Variants in TAF8 observed in about 807,000 individuals in gnomAD.
TAF8 encodes the protein TATA-box binding protein associated factor 8, also known as transcription initiation factor TFIID subunit 8.
A neutral mutation model predicts 36.5 loss-of-function variants in TAF8; 47 were observed. That is an observed-to-expected ratio of 1.29 (90% CI 1.02 to 1.64). The LOEUF is 1.64. Ranked by LOEUF, TAF8 falls within the 40% of genes most tolerant of loss-of-function variation. The probability of loss-of-function intolerance (pLI) is 0.00; values close to 1 mark genes in which losing one functional copy is unlikely to be tolerated. For missense variants in TAF8, 420 were observed against 407.6 expected (o/e 1.03, Z -0.26); for synonymous variants, 175 against 159.5 (o/e 1.10, Z -0.73).
At chr6:42,084,891 A>G (rs972591109), downstream of TAF8, among the ~76,000 whole-genome samples, 3 of 152,220 alleles carry the variant, frequency 2.0e-5, no homozygotes, top group Non-Finnish European at 2.9e-5. Context: ...TCTCCTAACC[A>G]TGTGGCTACC....
At chr6:42,057,638 G>A in intron 5 of TAF8, 125 bp downstream of exon 5, 5 of 1,347,982 alleles carry the variant, frequency 3.7e-6, no homozygotes, top group Non-Finnish European at 5.1e-6. Flanking sequence ...CTCAGAATGT[G>A]GCCGGGCACA....
chr6:42,071,729 T>C (rs1342312731), intron 7 of TAF8, among the ~76,000 whole-genome samples: 1 of 152,154 alleles, frequency 6.6e-6, no homozygotes, highest in Admixed American at 6.5e-5. Context: ...TGTACGCTTC[T>C]GTTAATTTGG....
intron 5 of TAF8, among the ~76,000 whole-genome samples, chr6:42,062,373 G>A (rs1315727140): frequency 6.6e-6 from 1 of 151,928 alleles, no homozygotes; most frequent in East Asian, 1.9e-4. Flanking sequence ...TGATTTTAAT[G>A]TTTTAGCCTA....
chr6:42,050,638 A>G, intron 1 of TAF8, 52 bp downstream of exon 1: 2 of 1,518,014 alleles, frequency 1.3e-6, no homozygotes, highest in Non-Finnish European at 1.8e-6. Flanking sequence ...GTATCCTGCA[A>G]CTTTCCCCTC....
chr6:42,080,236 T>A lies in TAF8; in HGVS notation c.*2691T>A. ...GAGGTGTTGTCCCAGTCAGTGTTTC[T>A]GCAGCTTCCATTTGTTGTTGTTATC... On this transcript the variant is annotated 3_prime_UTR_variant, in exon 9 of 9. Coordinates refer to ENST00000372977, the MANE Select transcript of TAF8 (RefSeq NM_138572.3). 1 of 985,572 alleles carries A rather than the reference T, an allele frequency of 1.0e-6. No individual in the cohort carries two copies. The highest frequency in any genetic ancestry group is 1.2e-6 in the Non-Finnish European group (1 of 830,042). 61.1% of individuals were successfully genotyped at this position (985,572 alleles called of 1,614,324 possible). A position where few individuals can be genotyped will look rare whatever the true frequency, so the allele number is the denominator to read the frequency against.
Position 42,079,312 on chromosome 6 carries a change from C to T in TAF8, c.*1767C>T. The T allele has an allele frequency of 1.0e-6, 1 of 985,408 alleles. No individual in the cohort carries two copies. The highest frequency in any genetic ancestry group is 1.2e-6 in the Non-Finnish European group (1 of 829,914). The allele number at this position is 985,408 out of a possible 1,614,324, so 61.0% of individuals were successfully genotyped here. On this transcript the variant is annotated 3_prime_UTR_variant, in exon 9 of 9. Transcript: ENST00000372977. ...AGAAGCAGGTCTGAGTCTGTCCAAC[C>T]AATTTGTATCCTGTGGGGAGAACAA...
intron 7 of TAF8, among the ~76,000 whole-genome samples, chr6:42,069,371 C>T (rs1765481218): frequency 6.6e-6 from 1 of 152,036 alleles, no homozygotes; most frequent in Non-Finnish European, 1.5e-5. Flanking sequence ...AGGATGCTGT[C>T]ACAGTAAACT....
chr6:42,076,276 C>A (rs1345222995), intron 7 of TAF8, among the ~76,000 whole-genome samples: 1 of 151,758 alleles, frequency 6.6e-6, no homozygotes, highest in African/African-American at 2.4e-5. Flanking sequence ...CTGGTAAAAC[C>A]CCGTCTCTAC....
chr6:42,077,757 ATT>A lies in TAF8; in HGVS notation c.*222_*223del. On this transcript the variant is annotated 3_prime_UTR_variant, in exon 9 of 9. Transcript: ENST00000372977. Reference sequence around the variant, plus strand: ...GGAAGATATGAACAGAATAATGAGAATTTTTTTTTTTATTTTGAGATGGAGTC... The same window carrying A: ...GGAAGATATGAACAGAATAATGAGAATTTTTTTTTATTTTGAGATGGAGTC... 8 of 1,174,642 alleles carry A rather than the reference ATT, an allele frequency of 6.8e-6. No individual in the cohort carries two copies. Among genetic ancestry groups the A allele is most frequent in the East Asian group, 6.2e-5 (2 of 32,238 alleles). 72.8% of individuals were successfully genotyped at this position (1,174,642 alleles called of 1,614,324 possible). A position where few individuals can be genotyped will look rare whatever the true frequency, so the allele number is the denominator to read the frequency against.
chr6:42,053,429 G>A (rs1480764292), intron 2 of TAF8, among the ~76,000 whole-genome samples: 1 of 151,970 alleles, frequency 6.6e-6, no homozygotes, highest in East Asian at 1.9e-4. Flanking sequence ...GCTGGATGTG[G>A]TGGCGGGCGC....
chr6:42,071,438 G>A, intron 7 of TAF8: 1 of 172,412 alleles, frequency 5.8e-6, no homozygotes, highest in Non-Finnish European at 1.2e-5. Flanking sequence ...CGATTCTCCA[G>A]CCTCAGCCTC....
Position 42,081,788 on chromosome 6 carries a change from G to A in TAF8, c.*4243G>A, listed in dbSNP as rs1044192365. 3 of 152,180 alleles carry A rather than the reference G, an allele frequency of 2.0e-5. No individual in the cohort carries two copies. The highest frequency in any genetic ancestry group is 7.2e-5 in the African/African-American group (3 of 41,438). The allele number at this position is 152,180 out of a possible 1,614,324, so 9.4% of individuals were successfully genotyped here. ...CCTAAAGTGCTGAGGTTACAGGCGT[G>A]AGCCCCCGCGCCTGGCTCTTCTGGA... On this transcript the variant is annotated 3_prime_UTR_variant, in exon 9 of 9. Transcript: ENST00000372977.
At chr6:42,056,340 G>A in intron 4 of TAF8, 1 of 262,864 alleles carries the variant, frequency 3.8e-6, no homozygotes. Context: ...TGGGCCAAAT[G>A]CAGCCTGCCT....
At chr6:42,066,216 T>C in intron 5 of TAF8, 96 bp from the exon 6 acceptor site, 1 of 1,505,182 alleles carries the variant, frequency 6.6e-7, no homozygotes, top group East Asian at 2.3e-5. Flanking sequence ...TTGGGTCATT[T>C]TAGAGAACAG....
Position 42,057,451 on chromosome 6 carries a change from C to G in TAF8, c.427C>G (p.Pro143Ala). 6.2e-7 allele frequency: 1 copy of G among 1,614,094 alleles called. No homozygotes were observed. Among genetic ancestry groups the G allele is most frequent in the South Asian group, 1.1e-5 (1 of 91,078 alleles). ...CACTGCAGGGCAGAACCGACCCCAC[C>G]CGCCGCACATCCCCAGCCATTTTCC... is the stretch of plus-strand genomic sequence containing the variant. ...ALTAGQNRPHPPHIPSHFPEF... is the reference protein window; with the variant it reads ...ALTAGQNRPHAPHIPSHFPEF... The change falls in exon 5 of 9, where the codon CCG becomes GCG. Residue 143 changes from proline (P) to alanine (A), a missense_variant. Physicochemically the swap from Pro to Ala is conservative, Grantham distance 27. Transcript: ENST00000372977.
intron 2 of TAF8, among the ~76,000 whole-genome samples, chr6:42,053,167 C>T (rs954473761): frequency 2.0e-5 from 3 of 152,202 alleles, no homozygotes; most frequent in African/African-American, 7.2e-5. Context: ...GCTGGGACTA[C>T]AGGCATGTGC....
chr6:42,066,699 G>A (rs1765376920), intron 6 of TAF8, among the ~76,000 whole-genome samples: 1 of 152,124 alleles, frequency 6.6e-6, no homozygotes, highest in South Asian at 2.1e-4. Context: ...TTACCTTGAG[G>A]GTAGCCTAGG....
chr6:42,085,883 G>T (rs1766016894), downstream of TAF8, among the ~76,000 whole-genome samples: 1 of 152,216 alleles, frequency 6.6e-6, no homozygotes, highest in African/African-American at 2.4e-5. Context: ...TACTCGGGAG[G>T]CTGAGGCAGG....
chr6:42,053,301 G>A (rs1354140809), intron 2 of TAF8, among the ~76,000 whole-genome samples: 1 of 152,078 alleles, frequency 6.6e-6, no homozygotes, highest in Admixed American at 6.6e-5. Context: ...GGTGGCTCAC[G>A]CCTGTAATCC....
Sources: gnomAD v4.1 joint callset for allele counts (sites outside exome capture counted in the v4.1 genomes callset) on GRCh38, gnomAD v4.1.1 for gene constraint, MANE v1.5 for transcripts, NCBI Gene and HGNC (gene_info 2026-07-23, HGNC 2026-07-21) for gene names.